Variants in CNST observed in about 807,000 individuals in gnomAD.
CNST encodes consortin.
Under a neutral mutation model 72.4 loss-of-function variants are expected in CNST, and 39 were observed. That is an observed-to-expected ratio of 0.54 (90% CI 0.42 to 0.70). The LOEUF (loss-of-function observed/expected upper bound fraction) is 0.70. Ranked by LOEUF, CNST falls within the 30% of genes least tolerant of loss-of-function variation. The pLI, the probability that CNST is intolerant of heterozygous loss-of-function variation, is 0.00. For missense variants in CNST, 871 were observed against 868.5 expected (o/e 1.00, Z -0.04); for synonymous variants, 332 against 320.1 (o/e 1.04, Z -0.40).
chr1:246,631,048 A>C (rs549439267), intron 3 of CNST, among the ~76,000 whole-genome samples: 7 of 152,252 alleles, frequency 4.6e-5, no homozygotes, highest in African/African-American at 1.2e-4. Flanking sequence ...GCCCGGCTGG[A>C]AACTGTTTTA....
intron 2 of CNST, among the ~76,000 whole-genome samples, chr1:246,620,538 C>T (rs566300827): frequency 6.6e-5 from 7 of 106,118 alleles, no homozygotes; most frequent in African/African-American, 1.1e-4. Context: ...ACAGGGAGGA[C>T]GGCTTCATCG....
intron 2 of CNST, among the ~76,000 whole-genome samples, chr1:246,609,601 C>T (rs1663166517): frequency 6.6e-6 from 1 of 152,126 alleles, no homozygotes; most frequent in South Asian, 2.1e-4. Context: ...TGAGCATTGT[C>T]CTTCACCCTC....
At chr1:246,644,388 C>A (rs1352396684) in intron 8 of CNST, among the ~76,000 whole-genome samples, 136 of 102,082 alleles carry the variant, frequency 1.3e-3, no homozygotes, top group African/African-American at 2.3e-3. Flanking sequence ...ACTCTGTCTC[C>A]AAAAAAAAAA....
At position 246,666,350 on chromosome 1, in the gene CNST, T is replaced by G. The variant is rs1407172088; in HGVS notation, c.*445T>G. 1 of 155,512 alleles carries G rather than the reference T, an allele frequency of 6.4e-6. No homozygotes were observed. Among genetic ancestry groups the G allele is most frequent in the African/African-American group, 2.4e-5 (1 of 41,542 alleles). 9.6% of individuals were successfully genotyped at this position (155,512 alleles called of 1,614,324 possible). On this transcript the variant is annotated 3_prime_UTR_variant, in exon 11 of 11. Transcript: ENST00000366513. Reference sequence around the variant, plus strand: ...AGAAGGAGTTACCTTATGGTTTCAGTGTCATTCTTTAGTTAACTTGGGAGC... The same window carrying G: ...AGAAGGAGTTACCTTATGGTTTCAGGGTCATTCTTTAGTTAACTTGGGAGC...
At chr1:246,599,079 G>A (rs961977591) in intron 2 of CNST, among the ~76,000 whole-genome samples, 1 of 151,712 alleles carries the variant, frequency 6.6e-6, no homozygotes, top group Non-Finnish European at 1.5e-5. Flanking sequence ...CTGAAGGTCA[G>A]CTAGTAAGAA....
chr1:246,592,658 CTG>C (rs1661618124), intron 2 of CNST, among the ~76,000 whole-genome samples: 1 of 152,190 alleles, frequency 6.6e-6, no homozygotes, highest in African/African-American at 2.4e-5. Flanking sequence ...GATCCCTAAC[CTG>C]TGAGTTTAGA....
intron 2 of CNST, among the ~76,000 whole-genome samples, chr1:246,600,692 G>A (rs1003775632): frequency 1.3e-5 from 2 of 152,210 alleles, no homozygotes; most frequent in African/African-American, 4.8e-5. Context: ...GAGAGAAAGA[G>A]CAAGTTTGGA....
At chr1:246,632,806 G>C (rs1435682095) in intron 4 of CNST, among the ~76,000 whole-genome samples, 1 of 152,172 alleles carries the variant, frequency 6.6e-6, no homozygotes, top group African/African-American at 2.4e-5. Context: ...GTTTACAAAA[G>C]ACCCATATAA....
intron 1 of CNST, among the ~76,000 whole-genome samples, chr1:246,578,291 T>C (rs1244546585): frequency 6.6e-6 from 1 of 152,052 alleles, no homozygotes; most frequent in Non-Finnish European, 1.5e-5. Context: ...AAATACCAAA[T>C]AAGTTACAGT....
chr1:246,581,813 T>G (rs1347247115), intron 1 of CNST, among the ~76,000 whole-genome samples: 1 of 152,248 alleles, frequency 6.6e-6, no homozygotes, highest in Non-Finnish European at 1.5e-5. Flanking sequence ...GTTTATATTA[T>G]TTTTTATTCA....
rs1204155348 is a variant in CNST at position 246,586,094 on chromosome 1, G to GAT, written c.-51-5401_-51-5400dup. The stretch of plus-strand genomic sequence containing the variant: ...GACCATGTCTTGGGGGAGAGGGGGA[G>GAT]ATATATATATATATATATGTGTGTG... On this transcript the variant is annotated intron_variant, in intron 1 of 10. Coordinates refer to ENST00000366513, the MANE Select transcript of CNST (RefSeq NM_152609.3). Among the ~76,000 whole-genome samples the GAT allele has an allele frequency of 8.1e-3, 1,056 of 130,696 alleles. 24 individuals are homozygous for GAT. Among genetic ancestry groups the GAT allele is most frequent in the African/African-American group, 0.029 (983 of 33,326 alleles). The allele number at this position is 130,696 out of a possible 152,430, so 85.7% of individuals were successfully genotyped here.
intron 6 of CNST, among the ~76,000 whole-genome samples, chr1:246,640,510 G>A (rs999433492): frequency 1.3e-5 from 2 of 152,144 alleles, no homozygotes. Context: ...CTTATTCAGA[G>A]ATCCAGATTT....
chr1:246,567,593 GC>G (rs1354104582), intron 1 of CNST, among the ~76,000 whole-genome samples: 4 of 152,142 alleles, frequency 2.6e-5, no homozygotes, highest in Admixed American at 6.6e-5. Flanking sequence ...GTATCACCCA[GC>G]AAATAGTCTG....
chr1:246,585,696 C>CT (rs2103017778), intron 1 of CNST, among the ~76,000 whole-genome samples: 1 of 143,848 alleles, frequency 7.0e-6, no homozygotes, highest in African/African-American at 2.6e-5. Flanking sequence ...CACACACACA[C>CT]ACACACACAC....
At chr1:246,589,095 A>G (rs1661372587) in intron 1 of CNST, among the ~76,000 whole-genome samples, 1 of 152,014 alleles carries the variant, frequency 6.6e-6, no homozygotes, top group Non-Finnish European at 1.5e-5. Flanking sequence ...ACCCTGAATC[A>G]TTATTATTAT....
chr1:246,645,459 G>A (rs1447726424), intron 8 of CNST, among the ~76,000 whole-genome samples: 5 of 125,098 alleles, frequency 4.0e-5, no homozygotes, highest in South Asian at 4.7e-4. Flanking sequence ...ATGGAGTCTC[G>A]CTCTGTCGCC....
intron 9 of CNST, among the ~76,000 whole-genome samples, chr1:246,659,404 C>T (rs542319393): frequency 6.6e-6 from 1 of 152,152 alleles, no homozygotes; most frequent in Admixed American, 6.5e-5. Context: ...ACCATCCTGG[C>T]TAACTCGGTG....
chr1:246,622,225 C>T (rs768396560), intron 3 of CNST, among the ~76,000 whole-genome samples: 19 of 152,092 alleles, frequency 1.2e-4, no homozygotes, highest in Middle Eastern at 3.2e-3. Context: ...ATCTACCAGG[C>T]ACCAAAGACC....
chr1:246,574,530 A>T (rs189821763), intron 1 of CNST, among the ~76,000 whole-genome samples: 293 of 152,158 alleles, frequency 1.9e-3, no homozygotes, highest in African/African-American at 6.4e-3. Context: ...GACTCAAGCA[A>T]TCCTCCCACT....
Sources: gnomAD v4.1 joint callset for allele counts (sites outside exome capture counted in the v4.1 genomes callset) on GRCh38, gnomAD v4.1.1 for gene constraint, MANE v1.5 for transcripts, NCBI Gene and HGNC (gene_info 2026-07-23, HGNC 2026-07-21) for gene names.